NXPH1: variants seen among roughly 807,000 people sequenced by gnomAD.
NXPH1 encodes the protein neurexophilin 1.
In NXPH1, 5 loss-of-function variants were observed where a neutral mutation model predicts 23.7. The observed-to-expected ratio is 0.21, with a 90% CI of 0.11 to 0.44. The LOEUF (loss-of-function observed/expected upper bound fraction) is 0.44, where lower values mean the gene tolerates loss of function less well. NXPH1 is among the 20% of genes least tolerant of loss of function. The pLI is 0.99. For synonymous variants in NXPH1, 144 were observed against 122.2 expected (o/e 1.18, Z -1.18); for missense variants, 324 against 321.6 (o/e 1.01, Z -0.06).
rs79066101 is a variant in NXPH1 at position 8,606,799 on chromosome 7, A to G, written c.55-144209A>G. 3.7e-4 allele frequency among the ~76,000 whole-genome samples: 56 copies of G among 152,320 alleles called. 2 individuals carry two copies. In the East Asian group the frequency reaches 9.6e-3, roughly 26 times the overall value. On this transcript the variant is annotated intron_variant, in intron 2 of 2. Coordinates refer to ENST00000405863, the MANE Select transcript of NXPH1 (RefSeq NM_152745.3). The stretch of plus-strand genomic sequence containing the variant: ...CAGAATGATATTTGTAAATCAAGAC[A>G]TGATAGTGATGCTACTTTCTGAAGA...
At chr7:8,628,839 C>T (rs1416883534) in intron 2 of NXPH1, among the ~76,000 whole-genome samples, 1 of 151,658 alleles carries the variant, frequency 6.6e-6, no homozygotes, top group African/African-American at 2.4e-5. Context: ...CAGTTGTTCT[C>T]GTCCGAGGTT....
At chr7:8,447,254 T>C (rs1014406397) in intron 2 of NXPH1, among the ~76,000 whole-genome samples, 1 of 152,212 alleles carries the variant, frequency 6.6e-6, no homozygotes, top group African/African-American at 2.4e-5. Context: ...CTCACATATT[T>C]TTTTCCAGTT....
rs145571587 is a variant in NXPH1, at chr7:8,635,338, G to A, written c.55-115670G>A. On this transcript the variant is annotated intron_variant, in intron 2 of 2. Transcript: ENST00000405863. ...AAAATCTCACATCACATTCTATTTG[G>A]TTAGACAGCTATTGAACTCAAAAGA... Among the ~76,000 whole-genome samples, 989 of 152,244 alleles carry A rather than the reference G, an allele frequency of 6.5e-3. 15 individuals are homozygous for A. The highest frequency in any genetic ancestry group is 0.022 in the African/African-American group (928 of 41,564).
chr7:8,706,620 C>A (rs1249158238), intron 2 of NXPH1, among the ~76,000 whole-genome samples: 2 of 152,204 alleles, frequency 1.3e-5, no homozygotes, highest in Admixed American at 6.5e-5. Flanking sequence ...TGGCCTCTCT[C>A]CTCAGCCATT....
At chr7:8,591,582 A>T (rs1819094536) in intron 2 of NXPH1, among the ~76,000 whole-genome samples, 1 of 152,002 alleles carries the variant, frequency 6.6e-6, no homozygotes. Flanking sequence ...CTTCTCCCTT[A>T]ATCTTGCAAA....
intron 2 of NXPH1, among the ~76,000 whole-genome samples, chr7:8,608,630 A>G (rs947225867): frequency 4.6e-5 from 7 of 152,058 alleles, no homozygotes; most frequent in African/African-American, 1.7e-4. Context: ...AAAAATATGG[A>G]GGTTTGCATC....
chr7:8,547,682 C>T (rs774774213), intron 2 of NXPH1, among the ~76,000 whole-genome samples: 7 of 151,340 alleles, frequency 4.6e-5, no homozygotes, highest in Admixed American at 2.0e-4. Context: ...TCTCCATTGT[C>T]TACTATTTCC....
intron 2 of NXPH1, among the ~76,000 whole-genome samples, chr7:8,606,787 G>A (rs2128628600): frequency 6.6e-6 from 1 of 152,220 alleles, no homozygotes; most frequent in East Asian, 1.9e-4. Context: ...AATGATATTT[G>A]TAAATCAAGA....
chr7:8,735,946 AT>A (rs1426915903), intron 2 of NXPH1, among the ~76,000 whole-genome samples: 1 of 152,102 alleles, frequency 6.6e-6, no homozygotes, highest in East Asian at 1.9e-4. Context: ...GTATTCTCTA[AT>A]AGTAGTTTGT....
intron 2 of NXPH1, among the ~76,000 whole-genome samples, chr7:8,453,618 A>G (rs898374999): frequency 6.6e-6 from 1 of 152,150 alleles, no homozygotes; most frequent in East Asian, 1.9e-4. Flanking sequence ...AGGACTAATG[A>G]TATTGGTACT....
At chr7:8,719,986 T>G (rs1411499054) in intron 2 of NXPH1, among the ~76,000 whole-genome samples, 1 of 152,204 alleles carries the variant, frequency 6.6e-6, no homozygotes, top group Non-Finnish European at 1.5e-5. Context: ...CATAATCAAT[T>G]GTCATTTGGC....
chr7:8,545,834 CAATT>C (rs1258724886), intron 2 of NXPH1, among the ~76,000 whole-genome samples: 1 of 151,462 alleles, frequency 6.6e-6, no homozygotes, highest in Non-Finnish European at 1.5e-5. Context: ...GCCCTTAATA[CAATT>C]ACATCAAGCT....
At chr7:8,729,972 T>C (rs1488585102) in intron 2 of NXPH1, among the ~76,000 whole-genome samples, 2 of 151,326 alleles carry the variant, frequency 1.3e-5, no homozygotes, top group African/African-American at 4.9e-5. Flanking sequence ...TGTGTGGGAG[T>C]CTAAGTCTCT....
intron 2 of NXPH1, among the ~76,000 whole-genome samples, chr7:8,691,365 T>A (rs1385721496): frequency 4.6e-5 from 7 of 152,090 alleles, no homozygotes; most frequent in Admixed American, 3.3e-4. Context: ...GTCAGGCTGC[T>A]CTCCCATTCC....
At chr7:8,626,791 T>C (rs1391792639) in intron 2 of NXPH1, among the ~76,000 whole-genome samples, 1 of 152,158 alleles carries the variant, frequency 6.6e-6, no homozygotes, top group Admixed American at 6.6e-5. Context: ...TCCCATGCGA[T>C]GTGGTGTTTA....
intron 2 of NXPH1, among the ~76,000 whole-genome samples, chr7:8,531,955 T>G (rs1213386686): frequency 6.6e-6 from 1 of 152,162 alleles, no homozygotes; most frequent in Non-Finnish European, 1.5e-5. Context: ...TTCGTCTCCT[T>G]AGGGATGGTC....
At chr7:8,539,886 A>T (rs1298607305) in intron 2 of NXPH1, among the ~76,000 whole-genome samples, 1 of 151,856 alleles carries the variant, frequency 6.6e-6, no homozygotes, top group Non-Finnish European at 1.5e-5. Context: ...CAAGGAATAT[A>T]TGAGTTACAA....
In NXPH1 at chr7:8,752,183, C is replaced by T. The variant is rs1454632994; in HGVS notation, c.*414C>T. On this transcript the variant is annotated 3_prime_UTR_variant, in exon 3 of 3. Transcript: ENST00000405863. ...CTAACAGTTGCTGTTATGGAAATCTCTTTTAAAGTCTTGAGTACATGCTAA... is the reference window on the plus strand; with the variant it reads ...CTAACAGTTGCTGTTATGGAAATCTTTTTTAAAGTCTTGAGTACATGCTAA... 5.7e-6 allele frequency: 1 copy of T among 174,122 alleles called. No individual in the cohort carries two copies. The highest frequency in any genetic ancestry group is 5.4e-5 in the Admixed American group (1 of 18,530). The allele number at this position is 174,122 out of a possible 1,614,324, so 10.8% of individuals were successfully genotyped here.
At chr7:8,742,507 T>C (rs1312747228) in intron 2 of NXPH1, among the ~76,000 whole-genome samples, 10 of 145,298 alleles carry the variant, frequency 6.9e-5, no homozygotes, top group Non-Finnish European at 1.1e-4. Flanking sequence ...AATGTTTAGT[T>C]AATAAAATAC....
Sources: gnomAD v4.1 joint callset for allele counts (sites outside exome capture counted in the v4.1 genomes callset) on GRCh38, gnomAD v4.1.1 for gene constraint, MANE v1.5 for transcripts, NCBI Gene and HGNC (gene_info 2026-07-23, HGNC 2026-07-21) for gene names.